Variants in BRD7 observed in about 807,000 individuals in gnomAD.
The protein encoded by BRD7 is bromodomain containing 7.
Under a neutral mutation model 82.1 loss-of-function variants are expected in BRD7, and 15 were observed. That is an observed-to-expected ratio of 0.18 (90% CI 0.12 to 0.28). BRD7 has a LOEUF of 0.28. Ranked by LOEUF, BRD7 falls within the 10% of genes least tolerant of loss-of-function variation. BRD7 has a pLI of 1.00. For synonymous variants in BRD7, 232 were observed against 266.9 expected (o/e 0.87, Z 1.27); for missense variants, 638 against 779.9 (o/e 0.82, Z 2.17).
At position 50,322,006 on chromosome 16, in the gene BRD7, T is replaced by C; in HGVS notation, c.1476A>G (p.Thr492=). 1 of 1,611,288 alleles carries C rather than the reference T, an allele frequency of 6.2e-7. No individual in the cohort carries two copies. The highest frequency in any genetic ancestry group is 8.5e-7 in the Non-Finnish European group (1 of 1,179,430). The stretch of plus-strand genomic sequence containing the variant: ...CCTCCATTTCTTTTGCTGTGTCAAG[T>C]GTCCTAGTATGGCCTTCATCTTCAG... The part of the protein sequence containing the change: ...SLPEDEGHTR[T]LDTAKEMEIT... The change falls in exon 13 of 17, where the codon ACA becomes ACG. Residue 492 remains threonine, a synonymous_variant. Coordinates refer to ENST00000394688, the MANE Select transcript of BRD7 (RefSeq NM_013263.5).
At chr16:50,319,635 A>G (rs2036986732) in intron 16 of BRD7, among the ~76,000 whole-genome samples, 1 of 152,220 alleles carries the variant, frequency 6.6e-6, no homozygotes, top group Non-Finnish European at 1.5e-5. Flanking sequence ...CAATGAAAAA[A>G]ATATAAAAAA....
intron 5 of BRD7, among the ~76,000 whole-genome samples, chr16:50,346,049 C>A (rs1275306493): frequency 6.6e-6 from 1 of 152,146 alleles, no homozygotes; most frequent in Non-Finnish European, 1.5e-5. Context: ...TGTAAAAGAA[C>A]AGAAATTATA....
intron 5 of BRD7, among the ~76,000 whole-genome samples, chr16:50,345,757 A>G (rs1567277118): frequency 1.3e-5 from 2 of 152,150 alleles, no homozygotes; most frequent in Non-Finnish European, 2.9e-5. Flanking sequence ...AGGAGCACCC[A>G]GATTCATAAA....
rs2151122152 is a variant in BRD7, at chr16:50,317,929, T to C, written c.*1282A>G. Reference sequence around the variant, plus strand: ...ACAAACAAACAAACAGAAGAGAAGATCATTAACCACTGTATACTTTGTGTA... The same window carrying C: ...ACAAACAAACAAACAGAAGAGAAGACCATTAACCACTGTATACTTTGTGTA... On this transcript the variant is annotated 3_prime_UTR_variant, in exon 17 of 17. Transcript: ENST00000394688. The C allele has an allele frequency of 6.6e-6, 1 of 152,350 alleles. No homozygotes were observed. The highest frequency in any genetic ancestry group is 1.9e-4 in the East Asian group (1 of 5,316). The allele number at this position is 152,350 out of a possible 1,614,324, so 9.4% of individuals were successfully genotyped here.
chr16:50,363,873 T>C (rs555230188), intron 2 of BRD7, among the ~76,000 whole-genome samples: 15 of 152,140 alleles, frequency 9.9e-5, no homozygotes, highest in Non-Finnish European at 1.5e-4. Context: ...CTGGACAACA[T>C]AGCAAGACCC....
intron 1 of BRD7, chr16:50,368,501 G>A: frequency 1.3e-6 from 1 of 742,368 alleles, no homozygotes; most frequent in Non-Finnish European, 2.1e-6. Context: ...TCCCGGGCCC[G>A]CCTCACGTCT....
intron 4 of BRD7, among the ~76,000 whole-genome samples, chr16:50,352,913 C>CA (rs1362844803): frequency 3.9e-5 from 6 of 152,088 alleles, no homozygotes; most frequent in Non-Finnish European, 8.8e-5. Context: ...CTAAGGCAGC[C>CA]ATGACATTTT....
intron 5 of BRD7, among the ~76,000 whole-genome samples, chr16:50,342,827 A>T (rs1403282053): frequency 6.6e-6 from 1 of 152,202 alleles, no homozygotes; most frequent in Admixed American, 6.5e-5. Context: ...TATGTAAAAC[A>T]AAGTAGAGGT....
intron 5 of BRD7, chr16:50,349,424 T>TAAAAA: frequency 3.2e-6 from 1 of 317,276 alleles, no homozygotes; most frequent in Non-Finnish European, 6.2e-6. Flanking sequence ...GTAAACCATC[T>TAAAAA]AAAAAAAAAA....
At position 50,319,005 on chromosome 16, in the gene BRD7, C is replaced by T. The variant is rs552670622; in HGVS notation, c.*206G>A. 303 of 548,074 alleles carry T rather than the reference C, an allele frequency of 5.5e-4. No homozygotes were observed. The highest frequency in any genetic ancestry group is 2.1e-4 in the Non-Finnish European group (63 of 305,552). 34.0% of individuals were successfully genotyped at this position (548,074 alleles called of 1,614,324 possible). A position where few individuals can be genotyped will look rare whatever the true frequency, so the allele number is the denominator to read the frequency against. ...TTGAAAGAATGCTGCACAGGTATGG[C>T]AACAGCCCCAAGCACATTCCTTCCT... On this transcript the variant is annotated 3_prime_UTR_variant, in exon 17 of 17. Transcript: ENST00000394688.
chr16:50,333,920 T>A (rs2037681062), intron 7 of BRD7, among the ~76,000 whole-genome samples: 1 of 152,244 alleles, frequency 6.6e-6, no homozygotes, highest in African/African-American at 2.4e-5. Context: ...CTGTCCAGTG[T>A]TACTTGTGTT....
chr16:50,333,804 C>G, intron 7 of BRD7, 107 bp from the exon 8 acceptor site: 1 of 962,066 alleles, frequency 1.0e-6, no homozygotes, highest in South Asian at 1.8e-5. Context: ...GACATTTGTA[C>G]TACAGTCACT....
intron 12 of BRD7, 81 bp from the exon 13 acceptor site, chr16:50,322,119 T>C: frequency 8.6e-7 from 1 of 1,168,090 alleles, no homozygotes; most frequent in East Asian, 2.4e-5. Context: ...GTCAGGAGTT[T>C]CTTGGCAAGA....
chr16:50,353,645 G>A (rs1198975370), intron 4 of BRD7, among the ~76,000 whole-genome samples: 2 of 151,940 alleles, frequency 1.3e-5, no homozygotes, highest in Non-Finnish European at 2.9e-5. Context: ...CCAGGCTGGA[G>A]TGCAGTGGTG....
chr16:50,363,641 TTG>T (rs374792308), intron 2 of BRD7, among the ~76,000 whole-genome samples: 56,061 of 149,006 alleles, frequency 0.38, 12,008 homozygotes, highest in Middle Eastern at 0.5. Flanking sequence ...CGTTGTGTGT[TTG>T]TGTGTGTGTG....
chr16:50,342,481 T>TG (rs1450905618), intron 5 of BRD7, among the ~76,000 whole-genome samples: 1 of 106,716 alleles, frequency 9.4e-6, no homozygotes, highest in Admixed American at 1.3e-4. Flanking sequence ...TTTTTTGAGA[T>TG]GGAGTCTCAC....
At chr16:50,325,027 G>A (rs555317130) in intron 11 of BRD7, among the ~76,000 whole-genome samples, 1 of 152,314 alleles carries the variant, frequency 6.6e-6, no homozygotes, top group Admixed American at 6.5e-5. Flanking sequence ...AAAAGCAGGG[G>A]ACTGGTGAAT....
At chr16:50,332,990 G>A (rs769476640) in intron 8 of BRD7, among the ~76,000 whole-genome samples, 4 of 152,164 alleles carry the variant, frequency 2.6e-5, no homozygotes, top group African/African-American at 9.7e-5. Flanking sequence ...AAAGGGGGCA[G>A]GGAGGGAAGG....
At chr16:50,322,522 G>T (rs996793757) in intron 12 of BRD7, among the ~76,000 whole-genome samples, 5 of 152,156 alleles carry the variant, frequency 3.3e-5, no homozygotes, top group African/African-American at 7.2e-5. Context: ...ATATATCATG[G>T]ACATCAATCA....
Sources: allele counts gnomAD v4.1 joint callset (sites outside exome capture counted in the v4.1 genomes callset), GRCh38; gene constraint gnomAD v4.1.1; transcripts MANE v1.5; gene names NCBI Gene and HGNC (gene_info 2026-07-23, HGNC 2026-07-21).